Variants in SNX29 observed in about 807,000 individuals in gnomAD.
The protein encoded by SNX29 is sorting nexin-29.
Under a neutral mutation model 102.1 loss-of-function variants are expected in SNX29, and 78 were observed. The observed-to-expected ratio is 0.76, with a 90% CI of 0.64 to 0.92. The LOEUF is 0.92. Among genes scored for constraint, SNX29 ranks in the 40% least tolerant of loss-of-function variants. The probability of loss-of-function intolerance (pLI) is 0.00; values close to 1 mark genes in which losing one functional copy is unlikely to be tolerated. For missense variants in SNX29, 1,280 were observed against 1,061.7 expected (o/e 1.21, Z -2.86); for synonymous variants, 580 against 414.5 (o/e 1.40, Z -4.85).
intron 15 of SNX29, among the ~76,000 whole-genome samples, chr16:12,280,484 A>G (rs1423986937): frequency 2.6e-5 from 4 of 152,138 alleles, no homozygotes; most frequent in Non-Finnish European, 4.4e-5. Flanking sequence ...TGAGGCATGA[A>G]GGTTCGTCTT....
At chr16:12,546,957 T>TC (rs2077643929) in intron 20 of SNX29, among the ~76,000 whole-genome samples, 1 of 151,958 alleles carries the variant, frequency 6.6e-6, no homozygotes, top group South Asian at 2.1e-4. Context: ...TCCCCACCCC[T>TC]CCATCCACCC....
intron 18 of SNX29, among the ~76,000 whole-genome samples, chr16:12,467,020 C>G (rs1053335699): frequency 5.3e-5 from 8 of 152,190 alleles, no homozygotes; most frequent in African/African-American, 1.9e-4. Flanking sequence ...ACCTTTTCCC[C>G]TGGCTTTCCT....
intron 20 of SNX29, among the ~76,000 whole-genome samples, chr16:12,541,044 GGCT>G (rs922486746): frequency 1.8e-4 from 27 of 152,152 alleles, no homozygotes; most frequent in Admixed American, 8.5e-4. Context: ...TCTGTAGTCT[GGCT>G]GCTATTTAGT....
At chr16:12,102,892 T>TC (rs2053081334) in intron 11 of SNX29, among the ~76,000 whole-genome samples, 2 of 152,150 alleles carry the variant, frequency 1.3e-5, no homozygotes, top group African/African-American at 4.8e-5. Flanking sequence ...TGTGCAAAAA[T>TC]CACAAGCATT....
intron 15 of SNX29, among the ~76,000 whole-genome samples, chr16:12,354,211 A>G (rs1322532801): frequency 1.3e-5 from 2 of 152,236 alleles, no homozygotes; most frequent in East Asian, 1.9e-4. Context: ...CAATGGCTGT[A>G]GGTAGGGATA....
At chr16:12,412,506 C>G (rs111407562) in intron 18 of SNX29, among the ~76,000 whole-genome samples, 31 of 152,306 alleles carry the variant, frequency 2.0e-4, no homozygotes, top group African/African-American at 7.2e-4. Flanking sequence ...ATTTTTCACA[C>G]GGGAGAGAGC....
At chr16:12,086,237 C>T (rs566602130) in intron 11 of SNX29, among the ~76,000 whole-genome samples, 1 of 152,200 alleles carries the variant, frequency 6.6e-6, no homozygotes, top group East Asian at 1.9e-4. Context: ...ATCTCCTTTC[C>T]TTGTGATCTG....
At chr16:11,997,069 C>T (rs1256931708) in intron 1 of SNX29, among the ~76,000 whole-genome samples, 2 of 152,138 alleles carry the variant, frequency 1.3e-5, no homozygotes, top group Non-Finnish European at 2.9e-5. Flanking sequence ...ATCACTGTTC[C>T]ACCAATTAGT....
intron 15 of SNX29, among the ~76,000 whole-genome samples, chr16:12,325,533 A>C (rs561215120): frequency 6.6e-6 from 1 of 152,328 alleles, no homozygotes; most frequent in African/African-American, 2.4e-5. Context: ...GCTGAAGTTT[A>C]GACTTGCTCT....
At chr16:12,447,229 C>T (rs1275236208) in intron 18 of SNX29, among the ~76,000 whole-genome samples, 1 of 132,572 alleles carries the variant, frequency 7.5e-6, no homozygotes, top group African/African-American at 2.8e-5. Context: ...AGCACCATTT[C>T]TTAAATACAA....
At chr16:12,451,660 A>G (rs1295559640) in intron 18 of SNX29, among the ~76,000 whole-genome samples, 2 of 152,160 alleles carry the variant, frequency 1.3e-5, no homozygotes, top group Non-Finnish European at 2.9e-5. Context: ...TCAGGAGATC[A>G]AGACCATCCT....
intron 20 of SNX29, chr16:12,527,124 C>G: frequency 4.2e-6 from 2 of 481,696 alleles, no homozygotes; most frequent in Non-Finnish European, 8.1e-6. Context: ...GCTTTCCTCA[C>G]TGTTCCAAAT....
At chr16:12,369,707 A>G (rs2082613789) in intron 16 of SNX29, among the ~76,000 whole-genome samples, 1 of 152,252 alleles carries the variant, frequency 6.6e-6, no homozygotes, top group African/African-American at 2.4e-5. Flanking sequence ...AATTTCTGCT[A>G]AATTAACACA....
At chr16:12,342,653 C>T (rs1458493802) in intron 15 of SNX29, among the ~76,000 whole-genome samples, 1 of 152,274 alleles carries the variant, frequency 6.6e-6, no homozygotes, top group South Asian at 2.1e-4. Flanking sequence ...GTCCTCATAA[C>T]AACGCTATCA....
In SNX29 at chr16:12,512,369, A is replaced by AT. The variant is rs2089660367; in HGVS notation, c.2179-12333_2179-12332insT. ...CGTCCATCATGGAAGGCCCAGGGAA[A>AT]ATATATATATATATATATATATATA... On this transcript the variant is annotated intron_variant, in intron 19 of 20. Transcript: ENST00000566228. 8.8e-3 allele frequency among the ~76,000 whole-genome samples: 387 copies of AT among 43,906 alleles called. 38 individuals are homozygous for AT. Among genetic ancestry groups the AT allele is most frequent in the South Asian group, 0.017 (16 of 960 alleles). 28.8% of individuals were successfully genotyped at this position (43,906 alleles called of 152,430 possible).
chr16:12,565,895 T>A (rs576211711), intron 20 of SNX29, among the ~76,000 whole-genome samples: 2 of 151,958 alleles, frequency 1.3e-5, no homozygotes, highest in East Asian at 3.9e-4. Context: ...TTCCCTCTCA[T>A]TGGGGCATCC....
intron 3 of SNX29, among the ~76,000 whole-genome samples, chr16:12,024,518 G>A (rs542117121): frequency 2.0e-5 from 3 of 152,286 alleles, no homozygotes; most frequent in East Asian, 1.9e-4. Flanking sequence ...TATGGGGAGG[G>A]TGTTAAGTAG....
intron 3 of SNX29, among the ~76,000 whole-genome samples, chr16:12,010,449 C>G (rs1006597739): frequency 6.6e-5 from 10 of 152,008 alleles, no homozygotes; most frequent in African/African-American, 1.9e-4. Context: ...TGGCGAAACC[C>G]CATGTCTACA....
chr16:12,287,377 T>A (rs2079633761), intron 15 of SNX29, among the ~76,000 whole-genome samples: 1 of 152,232 alleles, frequency 6.6e-6, no homozygotes, highest in Non-Finnish European at 1.5e-5. Flanking sequence ...TCTCTCTGTT[T>A]TTTTTAAATT....
Sources: gnomAD v4.1 joint callset for allele counts (sites outside exome capture counted in the v4.1 genomes callset) on GRCh38, gnomAD v4.1.1 for gene constraint, MANE v1.5 for transcripts, NCBI Gene and HGNC (gene_info 2026-07-23, HGNC 2026-07-21) for gene names.